ARHGAP29: variants seen among roughly 807,000 people sequenced by gnomAD.
The protein encoded by ARHGAP29 is rho GTPase-activating protein 29.
A neutral mutation model predicts 122.6 loss-of-function variants in ARHGAP29; 43 were observed. The observed-to-expected ratio is 0.35, with a 90% CI of 0.27 to 0.45. ARHGAP29 has a LOEUF of 0.45. Ranked by LOEUF, ARHGAP29 falls within the 20% of genes least tolerant of loss-of-function variation. ARHGAP29 has a pLI of 1.00. For missense variants in ARHGAP29, 1,303 were observed against 1,477.2 expected, an observed-to-expected ratio of 0.88 and a Z score of 1.93; for synonymous variants, 506 against 497.1, an observed-to-expected ratio of 1.02 and a Z score of -0.24.
At position 94,208,851 on chromosome 1, in the gene ARHGAP29, G is replaced by A; in HGVS notation, c.491C>T (p.Pro164Leu). The change falls in exon 5 of 23, where the codon CCT becomes CTT. Residue 164 changes from proline (P) to leucine (L), a missense_variant. Pro to Leu is a moderately conservative substitution (Grantham distance 98). Transcript: ENST00000260526. ...DVGNDSLLRL[P>L]VSRETKSFEN... is the part of the protein sequence containing the mutation. ...GCTTACCTTAGTTTCTCGAGAAACA[G>A]GCAGTCGCAATAATGAATCATTGCC... is the stretch of plus-strand genomic sequence containing the variant. The A allele has an allele frequency of 6.2e-7, 1 of 1,613,976 alleles. No homozygotes were observed.
At position 94,170,370 on chromosome 1, in the gene ARHGAP29, C is replaced by G. The variant is rs114690315; in HGVS notation, c.*3499G>C. On this transcript the variant is annotated 3_prime_UTR_variant, in exon 23 of 23. Transcript: ENST00000260526. ...TGATAAACCAAAACTGAGGAACTTTCTACAAACTGGCCAATCCTCCTCAAG... is the reference window on the plus strand; with the variant it reads ...TGATAAACCAAAACTGAGGAACTTTGTACAAACTGGCCAATCCTCCTCAAG... Among the ~76,000 whole-genome samples, 1,469 of 152,304 alleles carry G rather than the reference C, an allele frequency of 9.6e-3. 20 individuals are homozygous for G. Among genetic ancestry groups the G allele is most frequent in the African/African-American group, 0.034 (1,397 of 41,560 alleles).
chr1:94,216,399 G>A (rs1476479083), intron 3 of ARHGAP29, among the ~76,000 whole-genome samples: 2 of 152,182 alleles, frequency 1.3e-5, no homozygotes, highest in African/African-American at 2.4e-5. Context: ...GTGCAAAAAG[G>A]AGGTTAAAAA....
intron 2 of ARHGAP29, among the ~76,000 whole-genome samples, chr1:94,223,768 A>G (rs141748021): frequency 6.9e-4 from 105 of 152,190 alleles, no homozygotes; most frequent in Admixed American, 1.0e-3. Context: ...TGGGAAAATA[A>G]TATAATTTGA....
chr1:94,265,512 T>C (rs1339195046), intron 1 of ARHGAP29, among the ~76,000 whole-genome samples: 1 of 152,146 alleles, frequency 6.6e-6, no homozygotes, highest in African/African-American at 2.4e-5. Flanking sequence ...TCCAGGGACA[T>C]ACCTTGGGAA....
rs568949677 is a variant in ARHGAP29, at chr1:94,247,703, A to ACAC, written c.-32-16063_-32-16061dup. On this transcript the variant is annotated intron_variant and NMD_transcript_variant, in intron 1 of 25. Coordinates refer to the ARHGAP29 transcript ENST00000552844. ...GGCCAAGTGGCAGCCGCAGCCACAG[A>ACAC]CACCACCACCACCACCACCACAGCG... Among the ~76,000 whole-genome samples, 1,450 of 151,028 alleles carry ACAC rather than the reference A, an allele frequency of 9.6e-3. 20 individuals carry two copies. Among genetic ancestry groups the ACAC allele is most frequent in the East Asian group, 0.028 (141 of 5,100 alleles).
chr1:94,199,115 T>A (rs955295041), intron 12 of ARHGAP29, among the ~76,000 whole-genome samples: 7 of 152,024 alleles, frequency 4.6e-5, no homozygotes, highest in African/African-American at 1.7e-4. Context: ...GGGGGAGGGA[T>A]AGCATTAGGA....
At position 94,171,545 on chromosome 1, in the gene ARHGAP29, A is replaced by T. The variant is rs1455533978; in HGVS notation, c.*2324T>A. Among the ~76,000 whole-genome samples the T allele has an allele frequency of 6.6e-6, 1 of 152,166 alleles. No homozygotes were observed. The highest frequency in any genetic ancestry group is 1.5e-5 in the Non-Finnish European group (1 of 68,040). On this transcript the variant is annotated 3_prime_UTR_variant, in exon 23 of 23. Coordinates refer to ENST00000260526, the MANE Select transcript of ARHGAP29 (RefSeq NM_004815.4). ...GTATCTTTCCATGTTGCAAAAAACA[A>T]CTTCTGGATAAATGATTTCCACCAC...
the ARHGAP29 span, chr1:94,302,726 C>A: frequency 2.6e-6 from 1 of 385,818 alleles, no homozygotes; most frequent in Non-Finnish European, 5.1e-6. Context: ...TCCATGTACC[C>A]ACTGCCAATG....
At chr1:94,285,886 A>AAG in the ARHGAP29 span, among the ~76,000 whole-genome samples, 87 of 151,662 alleles carry the variant, frequency 5.7e-4, no homozygotes, top group African/African-American at 2.1e-3. Flanking sequence ...AAAAAAAAAA[A>AAG]AAAAGAAAAA....
At chr1:94,244,839 GA>G (rs1332834949) in intron 1 of ARHGAP29, among the ~76,000 whole-genome samples, 1 of 152,044 alleles carries the variant, frequency 6.6e-6, no homozygotes, top group African/African-American at 2.4e-5. Context: ...CACAAATTGG[GA>G]GAAAATATCT....
intron 15 of ARHGAP29, among the ~76,000 whole-genome samples, chr1:94,188,080 G>A (rs1553204479): frequency 6.6e-6 from 1 of 152,144 alleles, no homozygotes; most frequent in Non-Finnish European, 1.5e-5. Flanking sequence ...TGGGCCTGAA[G>A]CAGTCTTTGG....
chr1:94,292,117 A>G, the ARHGAP29 span, among the ~76,000 whole-genome samples: 25 of 152,252 alleles, frequency 1.6e-4, no homozygotes, highest in East Asian at 4.8e-3. Flanking sequence ...GTCTTTTCAC[A>G]TAGTCCCATA....
the ARHGAP29 span, chr1:94,302,171 C>A: frequency 3.7e-6 from 1 of 270,930 alleles, no homozygotes; most frequent in Non-Finnish European, 7.3e-6. Flanking sequence ...CATGGAATCA[C>A]ATGGTTCCAG....
chr1:94,197,790 C>A (rs571783736), intron 12 of ARHGAP29, among the ~76,000 whole-genome samples: 1 of 152,110 alleles, frequency 6.6e-6, no homozygotes, highest in Non-Finnish European at 1.5e-5. Flanking sequence ...TTGATAAAAT[C>A]TAACCTTTAT....
chr1:94,292,710 C>T, the ARHGAP29 span, among the ~76,000 whole-genome samples: 139 of 152,312 alleles, frequency 9.1e-4, no homozygotes, highest in African/African-American at 3.3e-3. Flanking sequence ...AACAGACAGG[C>T]CCCTCAGCTG....
At chr1:94,306,426 G>A in the ARHGAP29 span, among the ~76,000 whole-genome samples, 1 of 152,202 alleles carries the variant, frequency 6.6e-6, no homozygotes, top group Non-Finnish European at 1.5e-5. Context: ...CTAAGTAAGG[G>A]AAAACATAAT....
chr1:94,262,798 T>C (rs142723854), intron 1 of ARHGAP29, among the ~76,000 whole-genome samples: 217 of 152,316 alleles, frequency 1.4e-3, no homozygotes, highest in African/African-American at 5.0e-3. Flanking sequence ...TGTACATTGT[T>C]GGTGGGAGTG....
At chr1:94,306,131 C>G in the ARHGAP29 span, among the ~76,000 whole-genome samples, 2 of 152,250 alleles carry the variant, frequency 1.3e-5, no homozygotes, top group African/African-American at 4.8e-5. Context: ...ATTTCTGCTT[C>G]CCTGCAGTAG....
intron 10 of ARHGAP29, 81 bp downstream of exon 10, chr1:94,202,835 TGA>T: frequency 6.5e-7 from 1 of 1,538,546 alleles, no homozygotes; most frequent in Non-Finnish European, 8.8e-7. Context: ...TTTAGAAAAA[TGA>T]GAGCAAGGAA....
Sources: allele counts gnomAD v4.1 joint callset (sites outside exome capture counted in the v4.1 genomes callset), GRCh38; gene constraint gnomAD v4.1.1; transcripts MANE v1.5; gene names NCBI Gene and HGNC (gene_info 2026-07-23, HGNC 2026-07-21).